Variants in PGR observed in about 807,000 individuals in gnomAD.
PGR encodes the protein nuclear receptor subfamily 3 group C member 3.
A neutral mutation model predicts 76.1 loss-of-function variants in PGR; 25 were observed. The ratio of observed to expected loss-of-function variants is 0.33; its 90% CI spans 0.24 to 0.46. The LOEUF is 0.46. PGR is among the 20% of genes least tolerant of loss of function. PGR has a pLI of 1.00. For synonymous variants in PGR, 579 were observed against 535.0 expected, an observed-to-expected ratio of 1.08 and a Z score of -1.14; for missense variants, 1,172 against 1,225.3, an observed-to-expected ratio of 0.96 and a Z score of 0.65.
chr11:101,057,626 A>G (rs1303675885), intron 4 of PGR, among the ~76,000 whole-genome samples: 1 of 152,200 alleles, frequency 6.6e-6, no homozygotes, highest in Non-Finnish European at 1.5e-5. Context: ...AAAAAAGACC[A>G]GCACCAAACT....
intron 2 of PGR, among the ~76,000 whole-genome samples, chr11:101,116,015 C>T (rs796452735): frequency 6.6e-6 from 1 of 152,236 alleles, no homozygotes; most frequent in African/African-American, 2.4e-5. Context: ...GCAAAATGTA[C>T]GAATATTTAC....
chr11:101,034,795 T>C lies in PGR; in HGVS notation c.*4321A>G, dbSNP rs1859456945. On this transcript the variant is annotated 3_prime_UTR_variant, in exon 8 of 8. Coordinates refer to ENST00000325455, the MANE Select transcript of PGR (RefSeq NM_000926.4). Reference sequence around the variant, plus strand: ...CTGGCTTGGATTATATTTTATAATATGGGTGAAGAGTCAGTTGTTTTACTG... The same window carrying C: ...CTGGCTTGGATTATATTTTATAATACGGGTGAAGAGTCAGTTGTTTTACTG... 1.1e-5 allele frequency: 2 copies of C among 177,450 alleles called. No individual in the cohort carries two copies. The highest frequency in any genetic ancestry group is 6.3e-5 in the Admixed American group (1 of 15,806). The allele number at this position is 177,450 out of a possible 1,614,324, so 11.0% of individuals were successfully genotyped here.
rs1210494568 is a variant in PGR, at chr11:101,127,654, C to G, written c.1417G>C (p.Gly473Arg). Reference protein sequence around the residue: ...YKAEGAPPQQGPFAPPPCKAP... With the variant: ...YKAEGAPPQQRPFAPPPCKAP... ...TTGCAGGGCGGCGGCGCGAACGGGC[C>G]CTGCTGGGGCGGCGCGCCCTCCGCT... is the stretch of plus-strand genomic sequence containing the variant. Residue 473 changes from glycine to arginine, a missense_variant, in exon 1 of 8, where the codon GGC becomes CGC. Physicochemically the swap from Gly to Arg is moderately radical, Grantham distance 125. Around this residue, in one of 4 missense-constraint regions of PGR, gnomAD observed 893 missense variants for 785.9 expected, o/e 1.14. Transcript: ENST00000325455. The G allele has an allele frequency of 1.3e-6, 2 of 1,499,370 alleles. No homozygotes were observed. Among genetic ancestry groups the G allele is most frequent in the Non-Finnish European group, 1.8e-6 (2 of 1,131,272 alleles). 92.9% of individuals were successfully genotyped at this position (1,499,370 alleles called of 1,614,324 possible). A position where few individuals can be genotyped will look rare whatever the true frequency, so the allele number is the denominator to read the frequency against.
At chr11:101,091,713 A>T in intron 3 of PGR, 47 bp downstream of exon 3, 1 of 958,292 alleles carries the variant, frequency 1.0e-6, no homozygotes, top group Non-Finnish European at 1.7e-6. Context: ...ACAGTTTTAT[A>T]GTATAAAGAT....
chr11:101,055,559 A>G (rs515050), intron 4 of PGR, among the ~76,000 whole-genome samples: 6,590 of 152,110 alleles, frequency 0.043, 461 homozygotes, highest in African/African-American at 0.15. Flanking sequence ...TGAACTTTAT[A>G]ACTTTCTAAA....
rs749693401 is a variant in PGR at position 101,126,815 on chromosome 11, A to C, written c.1637+619T>G. ...CAATAATAAGAAAACGGTGCAATGC[A>C]GTGACAGGCGTTTAAATCCACAGTT... On this transcript the variant is annotated intron_variant, in intron 1 of 7. Transcript: ENST00000325455. 4.6e-5 allele frequency among the ~76,000 whole-genome samples: 7 copies of C among 152,344 alleles called. No homozygotes were observed. In the South Asian group the frequency reaches 8.3e-4, roughly 18 times the overall value.
intron 2 of PGR, among the ~76,000 whole-genome samples, chr11:101,096,655 C>A (rs988269559): frequency 2.0e-5 from 3 of 152,200 alleles, no homozygotes; most frequent in Admixed American, 6.5e-5. Context: ...TCCTGGAAAT[C>A]TAGAAAAAGA....
intron 3 of PGR, among the ~76,000 whole-genome samples, chr11:101,079,467 A>T (rs756575642): frequency 1.3e-5 from 2 of 152,160 alleles, no homozygotes; most frequent in Non-Finnish European, 2.9e-5. Flanking sequence ...AATGAACAGA[A>T]ATTTCTTGAA....
At chr11:101,105,109 C>G (rs555516182) in intron 2 of PGR, among the ~76,000 whole-genome samples, 1 of 152,222 alleles carries the variant, frequency 6.6e-6, no homozygotes, top group Non-Finnish European at 1.5e-5. Context: ...GCTGGCTAAG[C>G]CAGGGAGAAG....
At position 101,031,453 on chromosome 11, in the gene PGR, G is replaced by C. The variant is rs1391370085; in HGVS notation, c.*7663C>G. The C allele has an allele frequency of 3.1e-5, 7 of 228,536 alleles. No homozygotes were observed. The highest frequency in any genetic ancestry group is 4.3e-5 in the Non-Finnish European group (5 of 115,224). The allele number at this position is 228,536 out of a possible 1,614,324, so 14.2% of individuals were successfully genotyped here. A position where few individuals can be genotyped will look rare whatever the true frequency, so the allele number is the denominator to read the frequency against. ...TTGAATAAGGTAATCCAAAAAGAAG[G>C]CTCTTTTAGATGAAAAAACATGGAT... On this transcript the variant is annotated 3_prime_UTR_variant, in exon 8 of 8. Coordinates refer to ENST00000325455, the MANE Select transcript of PGR (RefSeq NM_000926.4).
In PGR at chr11:101,062,787, A is replaced by G. The variant is rs183014851; in HGVS notation, c.1907-35T>C. ...AGAAAAAAAAGAAATTCATGTAAAT[A>G]TATATAAACTCCATATCCCAGTATA... On this transcript the variant is annotated intron_variant, in intron 3 of 7. Transcript: ENST00000325455. 352 of 1,419,814 alleles carry G rather than the reference A, an allele frequency of 2.5e-4. No individual in the cohort carries two copies. The African/African-American group carries it at 4.4e-3, about 18-fold the overall frequency. The allele number at this position is 1,419,814 out of a possible 1,614,324, so 88.0% of individuals were successfully genotyped here.
At chr11:101,074,487 C>T (rs1398587341) in intron 3 of PGR, among the ~76,000 whole-genome samples, 1 of 152,032 alleles carries the variant, frequency 6.6e-6, no homozygotes. Context: ...GGCAATCAGG[C>T]AAGAGAAAGA....
chr11:101,048,768 C>T lies in PGR; in HGVS notation c.2488+1161G>A, dbSNP rs1194357027. Reference sequence around the variant, plus strand: ...AACACTGTACACTTAGGCTACACTACATTTATAAAAATATTTTTATTTCTT... The same window carrying T: ...AACACTGTACACTTAGGCTACACTATATTTATAAAAATATTTTTATTTCTT... On this transcript the variant is annotated intron_variant, in intron 6 of 7. Coordinates refer to ENST00000325455, the MANE Select transcript of PGR (RefSeq NM_000926.4). Among the ~76,000 whole-genome samples, 3 of 152,130 alleles carry T rather than the reference C, an allele frequency of 2.0e-5. No individual in the cohort carries two copies. In the South Asian group the frequency reaches 6.2e-4, roughly 32 times the overall value.
rs1484640522 is a variant in PGR, at chr11:101,113,919, T to C, written c.1789+12088A>G. Among the ~76,000 whole-genome samples, 16 of 152,126 alleles carry C rather than the reference T, an allele frequency of 1.1e-4. 1 individual carries two copies. Among genetic ancestry groups the C allele is most frequent in the South Asian group, 4.2e-4 (2 of 4,812 alleles). On this transcript the variant is annotated intron_variant, in intron 2 of 7. Coordinates refer to ENST00000325455, the MANE Select transcript of PGR (RefSeq NM_000926.4). ...CCCTAATTTCTATTAAAATAGTACA[T>C]AGAGAGGTTCAGTTCTTCATACTTT...
chr11:101,118,234 AC>A (rs1755260624), intron 2 of PGR, among the ~76,000 whole-genome samples: 1 of 152,220 alleles, frequency 6.6e-6, no homozygotes, highest in South Asian at 2.1e-4. Context: ...GAAAAATAGA[AC>A]CTGTCTCATA....
intron 2 of PGR, among the ~76,000 whole-genome samples, chr11:101,107,336 C>T (rs1430086586): frequency 1.3e-5 from 2 of 152,100 alleles, no homozygotes; most frequent in Admixed American, 6.6e-5. Context: ...TGTTCTGCTC[C>T]TCTCTTTCTA....
intron 6 of PGR, among the ~76,000 whole-genome samples, chr11:101,044,700 CTTTTTTTTTTTTT>C (rs34361620): frequency 7.9e-5 from 6 of 75,896 alleles, no homozygotes; most frequent in Non-Finnish European, 1.5e-4. Context: ...GGCCTAATTG[CTTTTTTTTTTTTT>C]TTTTTTTTTT....
At chr11:101,127,375 G>T (rs1306750855) in intron 1 of PGR, 59 bp downstream of exon 1, 5 of 1,329,674 alleles carry the variant, frequency 3.8e-6, no homozygotes, top group Non-Finnish European at 5.0e-6. Flanking sequence ...GGCGGCCGCC[G>T]CCGCCAACGG....
At position 101,128,159 on chromosome 11, in the gene PGR, G is replaced by C; in HGVS notation, c.912C>G (p.Ile304Met). 6.3e-7 allele frequency: 1 copy of C among 1,598,380 alleles called. No homozygotes were observed. The highest frequency in any genetic ancestry group is 8.5e-7 in the Non-Finnish European group (1 of 1,179,742). Residue 304 changes from isoleucine (I) to methionine (M), a missense_variant, in exon 1 of 8, where the codon ATC becomes ATG. By Grantham distance (10) the Ile-to-Met change is conservative. Transcript: ENST00000325455. ...SPLATTVMDF[I>M]HVPILPLNHA... ...GATTGAGAGGCAGGATAGGCACGTG[G>C]ATGAAATCCATCACCGTGGTGGCCA...
Sources: allele counts gnomAD v4.1 joint callset (sites outside exome capture counted in the v4.1 genomes callset), GRCh38; gene constraint gnomAD v4.1.1; regional missense constraint gnomAD v4.1.1; transcripts MANE v1.5; gene names NCBI Gene and HGNC (gene_info 2026-07-23, HGNC 2026-07-21).